EEF2K: variants seen among roughly 807,000 people sequenced by gnomAD.
EEF2K encodes eukaryotic elongation factor 2 kinase, also known as alternative protein EEF2K.
Under a neutral mutation model 93.8 loss-of-function variants are expected in EEF2K, and 70 were observed. The observed-to-expected ratio is 0.75, with a 90% CI of 0.62 to 0.91. EEF2K has a LOEUF of 0.91. Among genes scored for constraint, EEF2K ranks in the 40% least tolerant of loss-of-function variants. The pLI is 0.00. For synonymous variants in EEF2K, 376 were observed against 380.8 expected, an observed-to-expected ratio of 0.99 and a Z score of 0.15; for missense variants, 935 against 972.9, an observed-to-expected ratio of 0.96 and a Z score of 0.52.
chr16:22,232,410 TG>T (rs1304490392), intron 2 of EEF2K, among the ~76,000 whole-genome samples: 2 of 151,988 alleles, frequency 1.3e-5, no homozygotes, highest in African/African-American at 4.8e-5. Flanking sequence ...AATTTTTTTT[TG>T]GAACGATGGG....
rs149952776 is a variant in EEF2K at position 22,264,870 on chromosome 16, G to A, written c.1430G>A (p.Ser477Asn). ...KYESDEDSLG[S>N]SGRVCVEKWN... ...GAGTCTGACGAAGACAGCCTGGGCA[G>A]CTCTGGACGGGTAATGCGCCCTGAG... Residue 477 changes from serine (S) to asparagine (N), a missense_variant, in exon 13 of 18, where the codon AGC becomes AAC. Coordinates refer to ENST00000263026, the MANE Select transcript of EEF2K (RefSeq NM_013302.5). 73 of 1,613,918 alleles carry A rather than the reference G, an allele frequency of 4.5e-5. No individual in the cohort carries two copies. Among genetic ancestry groups the A allele is most frequent in the Non-Finnish European group, 1.0e-5 (12 of 1,179,978 alleles).
chr16:22,260,330 T>C (rs2047449367), intron 10 of EEF2K, 132 bp from the exon 11 acceptor site: 3 of 811,704 alleles, frequency 3.7e-6, no homozygotes, highest in Non-Finnish European at 6.0e-6. Flanking sequence ...TTCTCCTTTT[T>C]TGTGCCTTTC....
chr16:22,242,112 G>A (rs146216042), intron 2 of EEF2K, among the ~76,000 whole-genome samples: 77 of 151,702 alleles, frequency 5.1e-4, no homozygotes, highest in East Asian at 2.9e-3. Context: ...CTACCACCAC[G>A]TAGCCTGGAC....
At chr16:22,254,218 G>A (rs762826393) in intron 6 of EEF2K, among the ~76,000 whole-genome samples, 8 of 152,172 alleles carry the variant, frequency 5.3e-5, no homozygotes, top group Non-Finnish European at 1.0e-4. Context: ...CACTGTGGCT[G>A]TACCACTGCC....
chr16:22,239,367 G>A lies in EEF2K; in HGVS notation c.247-5263G>A, dbSNP rs145095902. ...AGGCACTGTCAGAGAATTGTGTGTC[G>A]TAGACAGAGAACAGGGCACCTGTAC... On this transcript the variant is annotated intron_variant, in intron 2 of 17. Transcript: ENST00000263026. 4.1e-4 allele frequency among the ~76,000 whole-genome samples: 62 copies of A among 152,228 alleles called. 1 individual carries two copies. The highest frequency in any genetic ancestry group is 6.0e-4 in the Non-Finnish European group (41 of 68,010).
intron 12 of EEF2K, 195 bp downstream of exon 12, chr16:22,263,382 G>A: frequency 3.3e-6 from 1 of 306,906 alleles, no homozygotes; most frequent in Non-Finnish European, 6.0e-6. Flanking sequence ...GCCAAGGCGG[G>A]TGGATCACCT....
chr16:22,221,899 G>A (rs535959555), intron 1 of EEF2K, among the ~76,000 whole-genome samples: 2 of 151,904 alleles, frequency 1.3e-5, no homozygotes, highest in South Asian at 2.1e-4. Flanking sequence ...GTGAAACCCC[G>A]CCTCTACTAA....
intron 15 of EEF2K, among the ~76,000 whole-genome samples, chr16:22,267,365 G>A (rs2047534936): frequency 6.6e-6 from 1 of 152,050 alleles, no homozygotes; most frequent in Non-Finnish European, 1.5e-5. Context: ...GGTTGAGGCG[G>A]GTGGATCACA....
At chr16:22,224,050 T>C (rs2047039809) in intron 1 of EEF2K, among the ~76,000 whole-genome samples, 5 of 151,506 alleles carry the variant, frequency 3.3e-5, no homozygotes, top group Non-Finnish European at 7.4e-5. Flanking sequence ...CTACTAAAAA[T>C]ACAAAAATTA....
rs2047733907 is a variant in EEF2K, at chr16:22,284,559, GT to G, written c.*564del. 1 of 152,226 alleles carries G rather than the reference GT, an allele frequency of 6.6e-6. No homozygotes were observed. Among genetic ancestry groups the G allele is most frequent in the Non-Finnish European group, 1.5e-5 (1 of 68,166 alleles). 9.4% of individuals were successfully genotyped at this position (152,226 alleles called of 1,614,324 possible). On this transcript the variant is annotated 3_prime_UTR_variant, in exon 18 of 18. Coordinates refer to ENST00000263026, the MANE Select transcript of EEF2K (RefSeq NM_013302.5). ...GCCTCCCAAAGTGCTGGGATTACAGGTGTGAGCCACCATGCCTGCCCATTTT... is the reference window on the plus strand; with the variant it reads ...GCCTCCCAAAGTGCTGGGATTACAGGGTGAGCCACCATGCCTGCCCATTTT...
intron 1 of EEF2K, among the ~76,000 whole-genome samples, chr16:22,223,982 G>A (rs1400902115): frequency 1.3e-5 from 2 of 152,196 alleles, no homozygotes; most frequent in Non-Finnish European, 2.9e-5. Context: ...CGAGGCAGGC[G>A]GATCACCTGA....
intron 2 of EEF2K, among the ~76,000 whole-genome samples, chr16:22,233,930 T>C (rs1339093086): frequency 3.9e-5 from 6 of 152,152 alleles, no homozygotes; most frequent in African/African-American, 1.4e-4. Context: ...TGTTGGTTAT[T>C]TAATGGCTGA....
At chr16:22,221,673 T>C (rs1335475575) in intron 1 of EEF2K, among the ~76,000 whole-genome samples, 3 of 152,174 alleles carry the variant, frequency 2.0e-5, no homozygotes. Flanking sequence ...ATTGGAATTA[T>C]TGGTTTGATG....
chr16:22,208,845 C>T (rs1246729359), intron 1 of EEF2K, among the ~76,000 whole-genome samples: 1 of 152,114 alleles, frequency 6.6e-6, no homozygotes, highest in Non-Finnish European at 1.5e-5. Context: ...TGGGGTGCTC[C>T]CTGGATGAAT....
intron 1 of EEF2K, among the ~76,000 whole-genome samples, chr16:22,219,591 T>C (rs533719786): frequency 1.3e-5 from 2 of 152,218 alleles, no homozygotes; most frequent in South Asian, 4.1e-4. Context: ...TTGCACAATT[T>C]TACTCCAGCC....
chr16:22,257,625 C>G lies in EEF2K; in HGVS notation c.902-18C>G. 6.2e-7 allele frequency: 1 copy of G among 1,610,872 alleles called. No individual in the cohort carries two copies. The highest frequency in any genetic ancestry group is 8.5e-7 in the Non-Finnish European group (1 of 1,179,648). ...ACAGAGCAAAGCAACACTCCAGACA[C>G]CCCCGCTCTGTCCACAGGTGTCCGC... On this transcript the variant is annotated intron_variant, in intron 8 of 17. Coordinates refer to ENST00000263026, the MANE Select transcript of EEF2K (RefSeq NM_013302.5).
chr16:22,233,126 C>T (rs1179246704), intron 2 of EEF2K, among the ~76,000 whole-genome samples: 10 of 152,098 alleles, frequency 6.6e-5, no homozygotes, highest in Non-Finnish European at 8.8e-5. Flanking sequence ...TTTATGATAA[C>T]GTGGGAAAGT....
chr16:22,270,180 A>G (rs2047564437), intron 15 of EEF2K, among the ~76,000 whole-genome samples: 2 of 151,134 alleles, frequency 1.3e-5, no homozygotes, highest in East Asian at 1.9e-4. Flanking sequence ...GTGTGATGGC[A>G]TGGTCTCACC....
At chr16:22,252,355 C>T (rs1363006587) in intron 6 of EEF2K, among the ~76,000 whole-genome samples, 1 of 152,190 alleles carries the variant, frequency 6.6e-6, no homozygotes, top group Admixed American at 6.5e-5. Context: ...GCGTCATTCT[C>T]AGGCAGCCTC....
Sources: allele counts gnomAD v4.1 joint callset (sites outside exome capture counted in the v4.1 genomes callset), GRCh38; gene constraint gnomAD v4.1.1; transcripts MANE v1.5; gene names NCBI Gene and HGNC (gene_info 2026-07-23, HGNC 2026-07-21).